Variants in GLIS1 observed in about 807,000 individuals in gnomAD.
The protein encoded by GLIS1 is zinc finger protein GLIS1.
GLIS1 carries 24 observed loss-of-function variants against 63.8 expected under a neutral mutation model. The ratio of observed to expected loss-of-function variants is 0.38; its 90% CI spans 0.27 to 0.53. GLIS1 has a LOEUF of 0.53. Ranked by LOEUF, GLIS1 falls within the 20% of genes least tolerant of loss-of-function variation. The pLI, the probability that GLIS1 is intolerant of heterozygous loss-of-function variation, is 0.85. For synonymous variants in GLIS1, 450 were observed against 482.5 expected (o/e 0.93, Z 0.88); for missense variants, 1,036 against 1,074.1 (o/e 0.96, Z 0.50).
chr1:53,725,806 G>T (rs1343073147), intron 2 of GLIS1, among the ~76,000 whole-genome samples: 2 of 152,186 alleles, frequency 1.3e-5, no homozygotes, highest in Admixed American at 1.3e-4. Context: ...CCAGACAGGG[G>T]TCATTCCCCC....
intron 2 of GLIS1, among the ~76,000 whole-genome samples, chr1:53,627,758 G>A (rs1453689382): frequency 1.3e-5 from 2 of 152,202 alleles, no homozygotes; most frequent in African/African-American, 4.8e-5. Context: ...ATCAACCAGA[G>A]AGGAGGTGGA....
chr1:53,656,586 TCTC>T (rs1470802190), intron 2 of GLIS1, among the ~76,000 whole-genome samples: 3 of 152,192 alleles, frequency 2.0e-5, no homozygotes, highest in Non-Finnish European at 2.9e-5. Context: ...CTTATAGACT[TCTC>T]CTCGTGCGAT....
In GLIS1 at chr1:53,526,849, C is replaced by T. The variant is rs948081214; in HGVS notation, c.1483-1962G>A. On this transcript the variant is annotated intron_variant, in intron 5 of 10. Coordinates refer to ENST00000628545, the MANE Select transcript of GLIS1 (RefSeq NM_001367484.1). This position sits in a 1 kb window ranked among gnomAD's most constrained non-coding sequence, Gnocchi z 4.4. ...TCCTCAGGCCCCATTCCCCGTGAGC[C>T]TGTGGGAAACCCTGTGGCCGTCCCC... Among the ~76,000 whole-genome samples, 1 of 152,124 alleles carries T rather than the reference C, an allele frequency of 6.6e-6. No individual in the cohort carries two copies.
chr1:53,716,583 A>G (rs940223044), intron 2 of GLIS1, among the ~76,000 whole-genome samples: 4 of 152,234 alleles, frequency 2.6e-5, no homozygotes, highest in African/African-American at 9.6e-5. Flanking sequence ...GAGAGGTATG[A>G]TAAGATATTG....
chr1:53,549,657 T>A (rs1215813710), intron 4 of GLIS1, among the ~76,000 whole-genome samples: 4 of 152,246 alleles, frequency 2.6e-5, no homozygotes, highest in African/African-American at 4.8e-5. Context: ...TCTTAATATA[T>A]TCTAGGTACA....
At chr1:53,732,759 C>T (rs930808005) in intron 2 of GLIS1, among the ~76,000 whole-genome samples, 1 of 150,980 alleles carries the variant, frequency 6.6e-6, no homozygotes, top group African/African-American at 2.4e-5. Flanking sequence ...AAAGAAACCA[C>T]ACAATTCTCT....
At chr1:53,715,810 C>A (rs1009537395) in intron 2 of GLIS1, among the ~76,000 whole-genome samples, 6 of 152,052 alleles carry the variant, frequency 3.9e-5, no homozygotes, top group Admixed American at 3.3e-4. Flanking sequence ...GAGGACCTGG[C>A]AAGAGCAGTC....
intron 10 of GLIS1, among the ~76,000 whole-genome samples, chr1:53,507,764 G>C (rs1184295549): frequency 6.6e-6 from 1 of 152,090 alleles, no homozygotes; most frequent in Non-Finnish European, 1.5e-5. Flanking sequence ...GCCGGTGTAG[G>C]GCCGGGGTGG....
intron 8 of GLIS1, among the ~76,000 whole-genome samples, chr1:53,510,324 A>G (rs773662248): frequency 6.6e-6 from 1 of 152,206 alleles, no homozygotes; most frequent in Non-Finnish European, 1.5e-5. Flanking sequence ...CCGTTGGCCA[A>G]CTATTTTGGG....
chr1:53,734,914 C>T (rs1353412613), intron 2 of GLIS1, among the ~76,000 whole-genome samples: 2 of 152,186 alleles, frequency 1.3e-5, no homozygotes, highest in African/African-American at 2.4e-5. Flanking sequence ...TCTGGATAAA[C>T]GGGACTCTGC....
intron 2 of GLIS1, among the ~76,000 whole-genome samples, chr1:53,682,866 T>C (rs1646290726): frequency 6.6e-6 from 1 of 152,154 alleles, no homozygotes; most frequent in Admixed American, 6.5e-5. Context: ...GCTCAGCACC[T>C]AGTGAGGGGT....
At chr1:53,508,163 T>C (rs1463309694) in intron 10 of GLIS1, among the ~76,000 whole-genome samples, 2 of 150,968 alleles carry the variant, frequency 1.3e-5, no homozygotes, top group Admixed American at 6.6e-5. Flanking sequence ...GGGTAATACA[T>C]GTGCAGACAC....
At chr1:53,578,692 G>C (rs944736293) in intron 4 of GLIS1, among the ~76,000 whole-genome samples, 3 of 152,198 alleles carry the variant, frequency 2.0e-5, no homozygotes, top group African/African-American at 7.2e-5. Context: ...GTGAGCTTAG[G>C]TTTTCCAAGT....
At chr1:53,600,758 GT>G (rs1645309000) in intron 2 of GLIS1, among the ~76,000 whole-genome samples, 1 of 152,210 alleles carries the variant, frequency 6.6e-6, no homozygotes, top group South Asian at 2.1e-4. Context: ...CAAGGAGTAC[GT>G]GCTCACTAAA....
intron 2 of GLIS1, among the ~76,000 whole-genome samples, chr1:53,654,689 G>C (rs11809849): frequency 0.01 from 1,596 of 152,234 alleles, 22 homozygotes; most frequent in African/African-American, 0.037. Context: ...AGGAGGGAGC[G>C]AGCCCTGGCA....
chr1:53,687,223 T>C (rs956201283), intron 2 of GLIS1, among the ~76,000 whole-genome samples: 6 of 152,176 alleles, frequency 3.9e-5, no homozygotes, highest in African/African-American at 7.2e-5. Context: ...GCCGCTTGCC[T>C]CTTGGGCAGA....
At chr1:53,573,416 C>G (rs995656050) in intron 4 of GLIS1, among the ~76,000 whole-genome samples, 1 of 152,148 alleles carries the variant, frequency 6.6e-6, no homozygotes, top group Non-Finnish European at 1.5e-5. Flanking sequence ...TCCAGCCCAC[C>G]CTTCTTGGTG....
chr1:53,587,569 T>C (rs1405783499), intron 4 of GLIS1, among the ~76,000 whole-genome samples: 1 of 152,190 alleles, frequency 6.6e-6, no homozygotes, highest in Non-Finnish European at 1.5e-5. Flanking sequence ...CAGGCGACTA[T>C]TCTAATGAGA....
At chr1:53,710,763 C>T (rs931194064) in intron 2 of GLIS1, among the ~76,000 whole-genome samples, 2 of 152,196 alleles carry the variant, frequency 1.3e-5, no homozygotes, top group East Asian at 1.9e-4. Context: ...CTCGTGCAAA[C>T]GTGGTGCCTC....
Sources: allele counts gnomAD v4.1 joint callset (sites outside exome capture counted in the v4.1 genomes callset), GRCh38; gene constraint gnomAD v4.1.1; non-coding constraint Gnocchi (gnomAD v3.1); transcripts MANE v1.5; gene names NCBI Gene and HGNC (gene_info 2026-07-23, HGNC 2026-07-21).